EYA1: variants seen among roughly 807,000 people sequenced by gnomAD.
EYA1 encodes protein phosphatase EYA1.
EYA1 carries 16 observed loss-of-function variants against 82.0 expected under a neutral mutation model. The ratio of observed to expected loss-of-function variants is 0.20; its 90% CI spans 0.13 to 0.30. EYA1 has a LOEUF of 0.30. Ranked by LOEUF, EYA1 falls within the 10% of genes least tolerant of loss-of-function variation. EYA1 has a pLI of 1.00. For missense variants in EYA1, 633 were observed against 730.7 expected (o/e 0.87, Z 1.54); for synonymous variants, 261 against 264.4 (o/e 0.99, Z 0.12).
chr8:71,466,142 GA>G (rs1294987604), intron 2 of EYA1, among the ~76,000 whole-genome samples: 1 of 152,124 alleles, frequency 6.6e-6, no homozygotes, highest in Non-Finnish European at 1.5e-5. Context: ...GATTAGTACT[GA>G]AAAACCTCAT....
intron 1 of EYA1, among the ~76,000 whole-genome samples, chr8:71,545,008 C>G (rs544207943): frequency 6.6e-6 from 1 of 152,276 alleles, no homozygotes; most frequent in South Asian, 2.1e-4. Context: ...TTTCTTCTTT[C>G]AAGTCACAGA....
intron 12 of EYA1, among the ~76,000 whole-genome samples, chr8:71,237,414 T>A (rs1811977547): frequency 6.6e-6 from 1 of 152,238 alleles, no homozygotes; most frequent in South Asian, 2.1e-4. Flanking sequence ...TTGAGCTATT[T>A]CTTTACCTAT....
chr8:71,307,002 A>G (rs532222883), intron 7 of EYA1, among the ~76,000 whole-genome samples: 17 of 152,292 alleles, frequency 1.1e-4, no homozygotes, highest in African/African-American at 3.6e-4. Context: ...GTTGCTTGAT[A>G]ATTTCAATCC....
chr8:71,499,754 T>C (rs1310147614), intron 2 of EYA1, among the ~76,000 whole-genome samples: 2 of 152,200 alleles, frequency 1.3e-5, no homozygotes, highest in African/African-American at 4.8e-5. Context: ...GGGCTGAGTG[T>C]TGCTGGAGAG....
At chr8:71,206,165 T>C (rs563374586) in intron 17 of EYA1, among the ~76,000 whole-genome samples, 2 of 152,294 alleles carry the variant, frequency 1.3e-5, no homozygotes, top group East Asian at 3.9e-4. Flanking sequence ...CCATGTAAAT[T>C]CTTTTTTGTA....
intron 12 of EYA1, among the ~76,000 whole-genome samples, chr8:71,243,812 TCTC>T (rs1171446045): frequency 2.0e-5 from 3 of 152,216 alleles, no homozygotes; most frequent in Admixed American, 6.5e-5. Context: ...TTCAGATTCT[TCTC>T]CTGTCTGAAA....
intron 2 of EYA1, among the ~76,000 whole-genome samples, chr8:71,453,004 G>C (rs541784938): frequency 3.3e-5 from 5 of 152,130 alleles, no homozygotes; most frequent in Non-Finnish European, 7.4e-5. Flanking sequence ...TCATCATAAA[G>C]AAGCTAAAAA....
intron 3 of EYA1, among the ~76,000 whole-genome samples, chr8:71,349,451 G>C (rs1346159604): frequency 6.6e-6 from 1 of 152,182 alleles, no homozygotes; most frequent in Non-Finnish European, 1.5e-5. Flanking sequence ...AAAAATCCAG[G>C]CTCTGGACTC....
chr8:71,356,366 C>T, intron 2 of EYA1, 96 bp downstream of exon 2: 1 of 1,038,240 alleles, frequency 9.6e-7, no homozygotes, highest in Non-Finnish European at 1.4e-6. Context: ...GAGGCTGTTA[C>T]TATTAATAGA....
chr8:71,247,987 C>T lies in EYA1; in HGVS notation c.1051-3295G>A, dbSNP rs180709629. Among the ~76,000 whole-genome samples the T allele has an allele frequency of 1.3e-4, 20 of 152,216 alleles. No individual in the cohort carries two copies. In the East Asian group the frequency reaches 3.5e-3, roughly 26 times the overall value. The stretch of plus-strand genomic sequence containing the variant: ...GAAAAAGTATTATTTCTCCTTGATA[C>T]GGTTGCTTATTTATATGACCATTGA... On this transcript the variant is annotated intron_variant, in intron 11 of 17. Transcript: ENST00000340726.
chr8:71,258,558 TAGCA>T (rs1476938491), intron 11 of EYA1, among the ~76,000 whole-genome samples: 1 of 152,202 alleles, frequency 6.6e-6, no homozygotes, highest in East Asian at 1.9e-4. Context: ...CACATGGTAT[TAGCA>T]GGGGACCTTA....
chr8:71,432,043 A>G (rs1052406183), intron 2 of EYA1, among the ~76,000 whole-genome samples: 4 of 152,186 alleles, frequency 2.6e-5, no homozygotes, highest in Non-Finnish European at 5.9e-5. Flanking sequence ...AAGATTTTCA[A>G]GATTTTCCTT....
At chr8:71,390,256 T>C (rs185588129) in intron 2 of EYA1, among the ~76,000 whole-genome samples, 1 of 151,864 alleles carries the variant, frequency 6.6e-6, no homozygotes, top group South Asian at 2.1e-4. Flanking sequence ...AAGTGAAAAG[T>C]GAAATTGGAT....
chr8:71,256,760 G>A (rs1488591076), intron 11 of EYA1, among the ~76,000 whole-genome samples: 2 of 152,180 alleles, frequency 1.3e-5, no homozygotes, highest in African/African-American at 4.8e-5. Context: ...AACACTTTGG[G>A]AGGCCAAGGT....
intron 2 of EYA1, among the ~76,000 whole-genome samples, chr8:71,425,104 CAAAAAAAAAAAAAAA>C: frequency 1.3e-5 from 1 of 75,276 alleles, no homozygotes; most frequent in South Asian, 6.1e-4. Flanking sequence ...ACTAAAAATA[CAAAAAAAAAAAAAAA>C]AAAAAAAAAA....
chr8:71,304,663 G>T lies in EYA1; in HGVS notation c.557-4943C>A, dbSNP rs1056767483. Among the ~76,000 whole-genome samples, 6 of 142,620 alleles carry T rather than the reference G, an allele frequency of 4.2e-5. 1 individual carries two copies. Among genetic ancestry groups the T allele is most frequent in the African/African-American group, 1.5e-4 (6 of 40,350 alleles). The allele number at this position is 142,620 out of a possible 152,430, so 93.6% of individuals were successfully genotyped here. On this transcript the variant is annotated intron_variant, in intron 7 of 17. Transcript: ENST00000340726. ...GTTATAGCAATTGCTTCAAAAATAT[G>T]TAACTAGTATAACCTTTCTTCTTAT...
rs78658529 is a variant in EYA1, at chr8:71,524,528, T to G, written c.33+11216A>C. Among the ~76,000 whole-genome samples, 1,178 of 152,338 alleles carry G rather than the reference T, an allele frequency of 7.7e-3. 12 individuals carry two copies. The highest frequency in any genetic ancestry group is 0.012 in the Non-Finnish European group (831 of 68,020). ...AAATTTTATTCTTGAAAAACATCCCTGTGATAGCTATACTTTGATAGAAAT... is the reference window on the plus strand; with the variant it reads ...AAATTTTATTCTTGAAAAACATCCCGGTGATAGCTATACTTTGATAGAAAT... On this transcript the variant is annotated intron_variant, in intron 2 of 18. Coordinates refer to the EYA1 transcript ENST00000643681.
intron 2 of EYA1, among the ~76,000 whole-genome samples, chr8:71,396,323 T>C (rs201114099): frequency 2.6e-5 from 4 of 152,110 alleles, no homozygotes; most frequent in African/African-American, 7.2e-5. Flanking sequence ...TTATTTCTTG[T>C]CTTCTGCTAG....
At chr8:71,429,067 A>G (rs567710742) in intron 2 of EYA1, among the ~76,000 whole-genome samples, 1 of 152,328 alleles carries the variant, frequency 6.6e-6, no homozygotes, top group African/African-American at 2.4e-5. Flanking sequence ...CTTCTATAGG[A>G]GGAAAAATCA....
Sources: allele counts gnomAD v4.1 joint callset (sites outside exome capture counted in the v4.1 genomes callset), GRCh38; gene constraint gnomAD v4.1.1; transcripts MANE v1.5; gene names NCBI Gene and HGNC (gene_info 2026-07-23, HGNC 2026-07-21).